INPP4B: variants seen among roughly 807,000 people sequenced by gnomAD.
INPP4B encodes the protein inositol polyphosphate 4-phosphatase type II.
A neutral mutation model predicts 122.5 loss-of-function variants in INPP4B; 55 were observed. The ratio of observed to expected loss-of-function variants is 0.45; its 90% CI spans 0.36 to 0.56. INPP4B has a LOEUF of 0.56. INPP4B is among the 20% of genes least tolerant of loss of function. The pLI is 0.00. For synonymous variants in INPP4B, 403 were observed against 388.7 expected, an observed-to-expected ratio of 1.04 and a Z score of -0.43; for missense variants, 1,000 against 1,097.7, an observed-to-expected ratio of 0.91 and a Z score of 1.26.
chr4:142,183,245 A>T (rs1251073725), intron 15 of INPP4B, among the ~76,000 whole-genome samples: 1 of 152,146 alleles, frequency 6.6e-6, no homozygotes, highest in African/African-American at 2.4e-5. Context: ...TACCTCTGTA[A>T]TTTATCTTCT....
At chr4:142,705,590 G>C (rs192976617) in intron 2 of INPP4B, among the ~76,000 whole-genome samples, 24 of 152,126 alleles carry the variant, frequency 1.6e-4, no homozygotes, top group Non-Finnish European at 2.8e-4. Context: ...CTGGGAAGCT[G>C]CAGTTGGGGT....
chr4:142,715,728 T>G (rs766937315), intron 2 of INPP4B, among the ~76,000 whole-genome samples: 16 of 152,302 alleles, frequency 1.1e-4, no homozygotes, highest in Non-Finnish European at 2.1e-4. Flanking sequence ...GCCTAACAAA[T>G]TATCCCAACA....
chr4:142,188,516 A>ATATATATATATATATATAT (rs1381172815), intron 15 of INPP4B, among the ~76,000 whole-genome samples: 2 of 116,212 alleles, frequency 1.7e-5, no homozygotes, highest in Non-Finnish European at 3.4e-5. Flanking sequence ...AAAAAGAAAA[A>ATATATATATATATATATAT]AAATATATAT....
chr4:142,781,404 A>G (rs2151028076), intron 1 of INPP4B, among the ~76,000 whole-genome samples: 2 of 152,332 alleles, frequency 1.3e-5, no homozygotes, highest in Middle Eastern at 6.8e-3. Flanking sequence ...CACTCCTTAA[A>G]GACAGAAAAA....
chr4:142,511,836 A>G (rs1046087762), intron 2 of INPP4B, among the ~76,000 whole-genome samples: 2 of 152,210 alleles, frequency 1.3e-5, no homozygotes, highest in Non-Finnish European at 2.9e-5. Flanking sequence ...ACTGATGGCT[A>G]CAATAAAACA....
intron 25 of INPP4B, among the ~76,000 whole-genome samples, chr4:142,077,575 C>T (rs1690739135): frequency 6.6e-6 from 1 of 151,818 alleles, no homozygotes; most frequent in African/African-American, 2.4e-5. Context: ...AATAGGAAGT[C>T]TGAAAGTTCC....
chr4:142,444,205 T>G (rs4956444), intron 3 of INPP4B, among the ~76,000 whole-genome samples: 44,529 of 152,040 alleles, frequency 0.29, 7,816 homozygotes, highest in East Asian at 0.47. Flanking sequence ...TTGAAGATAG[T>G]CTAATAGAAA....
intron 2 of INPP4B, among the ~76,000 whole-genome samples, chr4:142,517,351 T>C (rs1389100864): frequency 6.6e-6 from 1 of 152,010 alleles, no homozygotes; most frequent in African/African-American, 2.4e-5. Flanking sequence ...TCTCTTTGAG[T>C]TGAATGACCA....
At chr4:142,679,104 G>C (rs565551130) in intron 2 of INPP4B, among the ~76,000 whole-genome samples, 4 of 151,770 alleles carry the variant, frequency 2.6e-5, no homozygotes, top group Non-Finnish European at 4.4e-5. Flanking sequence ...TAGCTATCCA[G>C]ACCCCTGGAC....
intron 2 of INPP4B, among the ~76,000 whole-genome samples, chr4:142,672,188 T>C (rs1757088692): frequency 1.3e-5 from 2 of 152,222 alleles, no homozygotes; most frequent in Admixed American, 1.3e-4. Context: ...AAAGATGCTG[T>C]AAATATTCAT....
chr4:142,707,425 T>C (rs1423444813), intron 2 of INPP4B, among the ~76,000 whole-genome samples: 3 of 152,224 alleles, frequency 2.0e-5, no homozygotes, highest in African/African-American at 7.2e-5. Context: ...GTCCCACTTA[T>C]GTTGAATTGT....
chr4:142,082,478 G>T (rs191419861), intron 24 of INPP4B, among the ~76,000 whole-genome samples: 1 of 152,272 alleles, frequency 6.6e-6, no homozygotes, highest in East Asian at 1.9e-4. Flanking sequence ...CAAGGGGGGT[G>T]CCTGGTCTGC....
At chr4:142,098,264 G>A (rs1782873508) in intron 23 of INPP4B, among the ~76,000 whole-genome samples, 1 of 151,928 alleles carries the variant, frequency 6.6e-6, no homozygotes, top group Non-Finnish European at 1.5e-5. Context: ...GGTGGAGAAG[G>A]ATCAAAGGAT....
At chr4:142,554,604 C>T (rs1002297313) in intron 2 of INPP4B, among the ~76,000 whole-genome samples, 1 of 152,154 alleles carries the variant, frequency 6.6e-6, no homozygotes, top group Non-Finnish European at 1.5e-5. Context: ...TTACATCAAA[C>T]TACCCCTCAT....
chr4:142,618,913 TA>T (rs1461455234), intron 2 of INPP4B, among the ~76,000 whole-genome samples: 4 of 151,322 alleles, frequency 2.6e-5, no homozygotes, highest in Non-Finnish European at 5.9e-5. Flanking sequence ...AACAGCCAAA[TA>T]AAAATATGCA....
chr4:142,330,038 T>C (rs1248208910), intron 7 of INPP4B, among the ~76,000 whole-genome samples: 1 of 152,184 alleles, frequency 6.6e-6, no homozygotes, highest in East Asian at 1.9e-4. Context: ...AGAATTGTAA[T>C]TACTAATGAA....
Position 142,545,825 on chromosome 4 carries a change from A to G in INPP4B, c.-190-83099T>C, listed in dbSNP as rs1405277830. 6.7e-5 allele frequency among the ~76,000 whole-genome samples: 10 copies of G among 148,590 alleles called. 1 individual carries two copies. The highest frequency in any genetic ancestry group is 2.1e-4 in the South Asian group (1 of 4,756). On this transcript the variant is annotated intron_variant, in intron 2 of 25. Coordinates refer to ENST00000262992, the MANE Select transcript of INPP4B (RefSeq NM_001101669.3). ...TATATACACATATACATGTGTGTAT[A>G]TATATATATATAAAATGGTCTGTTG... is the stretch of plus-strand genomic sequence containing the variant.
At chr4:142,735,592 G>A (rs1297266468) in intron 1 of INPP4B, among the ~76,000 whole-genome samples, 3 of 152,114 alleles carry the variant, frequency 2.0e-5, no homozygotes, top group African/African-American at 7.2e-5. Flanking sequence ...TCGAGCAAAA[G>A]TAAGATTTGA....
chr4:142,709,379 G>A (rs555522419), intron 2 of INPP4B, among the ~76,000 whole-genome samples: 46 of 152,212 alleles, frequency 3.0e-4, no homozygotes, highest in African/African-American at 1.1e-3. Flanking sequence ...ATGAGACTTA[G>A]GAGAGGCCAG....
Sources: allele counts gnomAD v4.1 joint callset (sites outside exome capture counted in the v4.1 genomes callset), GRCh38; gene constraint gnomAD v4.1.1; transcripts MANE v1.5; gene names NCBI Gene and HGNC (gene_info 2026-07-23, HGNC 2026-07-21).